The following NUP98 variants were observed in gnomAD, a reference collection of about 807,000 sequenced individuals.
NUP98 encodes nuclear pore complex protein Nup98-Nup96.
In NUP98, 26 loss-of-function variants were observed where a neutral mutation model predicts 191.9. That is an observed-to-expected ratio of 0.14 (90% CI 0.10 to 0.19). The LOEUF (loss-of-function observed/expected upper bound fraction) is 0.19. NUP98 is among the 10% of genes least tolerant of loss of function. The probability of loss-of-function intolerance (pLI) is 1.00; values close to 1 mark genes in which losing one functional copy is unlikely to be tolerated. For missense variants in NUP98, 1,941 were observed against 2,178.8 expected (o/e 0.89, Z 2.17); for synonymous variants, 808 against 778.4 (o/e 1.04, Z -0.63).
At chr11:3,786,090 A>G (rs1011757213) in intron 1 of NUP98, among the ~76,000 whole-genome samples, 7 of 152,174 alleles carry the variant, frequency 4.6e-5, no homozygotes, top group African/African-American at 1.7e-4. Flanking sequence ...TTTTATCTCT[A>G]TTTTACAAGG....
intron 14 of NUP98, among the ~76,000 whole-genome samples, chr11:3,727,869 A>C (rs2079682160): frequency 2.6e-5 from 4 of 152,062 alleles, no homozygotes; most frequent in Admixed American, 2.6e-4. Context: ...ACAAAATAAA[A>C]AAAATTAGCC....
chr11:3,728,216 G>A (rs2079697523), intron 14 of NUP98, among the ~76,000 whole-genome samples: 1 of 152,116 alleles, frequency 6.6e-6, no homozygotes, highest in South Asian at 2.1e-4. Context: ...AGTTTAGAGT[G>A]GAGTAAGCAA....
chr11:3,763,682 G>A (rs542754908), intron 8 of NUP98, among the ~76,000 whole-genome samples: 67 of 152,104 alleles, frequency 4.4e-4, no homozygotes, highest in Non-Finnish European at 8.4e-4. Flanking sequence ...CCAAGTAGCT[G>A]GGACTACAAG....
At chr11:3,763,262 T>C (rs1020125526) in intron 8 of NUP98, among the ~76,000 whole-genome samples, 4 of 152,160 alleles carry the variant, frequency 2.6e-5, no homozygotes, top group Admixed American at 2.0e-4. Flanking sequence ...CCACAGCTCC[T>C]GAATGGTAGG....
chr11:3,748,865 T>A (rs528154836), intron 11 of NUP98, among the ~76,000 whole-genome samples: 1 of 152,120 alleles, frequency 6.6e-6, no homozygotes, highest in East Asian at 1.9e-4. Context: ...TTTTTATTTC[T>A]TGCAAAATTT....
intron 22 of NUP98, among the ~76,000 whole-genome samples, chr11:3,703,163 G>A (rs2078762075): frequency 6.6e-6 from 1 of 151,544 alleles, no homozygotes. Context: ...AAAATATGCA[G>A]CAGGCTCTGT....
chr11:3,711,059 A>T (rs1024840357), intron 20 of NUP98, among the ~76,000 whole-genome samples: 8 of 152,042 alleles, frequency 5.3e-5, no homozygotes, highest in Admixed American at 5.2e-4. Flanking sequence ...AGTTGAGGCC[A>T]ACATGGCAAA....
At chr11:3,761,377 A>G (rs1006915404) in intron 9 of NUP98, among the ~76,000 whole-genome samples, 2 of 152,234 alleles carry the variant, frequency 1.3e-5, no homozygotes, top group Non-Finnish European at 2.9e-5. Context: ...CTGTAATCCC[A>G]GCATTCTGAA....
Position 3,702,633 on chromosome 11 carries a change from G to C in NUP98, c.3342C>G (p.Leu1114=), listed in dbSNP as rs772262829. The change falls in exon 23 of 33, where the codon CTC becomes CTG. Residue 1114 remains leucine (L), a synonymous_variant. Transcript: ENST00000324932. ...CCATGAATAGGGCCATGTCCATCAA[G>C]AGTTTTCCCTTGCCATAGGTGACAG... ...EKSVTYGKGK[L]LMDMALFMGR... 4 of 1,614,130 alleles carry C rather than the reference G, an allele frequency of 2.5e-6. No homozygotes were observed. The South Asian group carries it at 3.3e-5, about 13-fold the overall frequency.
rs201980338 is a variant in NUP98 at position 3,763,072 on chromosome 11, C to G, written c.949-33G>C. 28 of 1,588,710 alleles carry G rather than the reference C, an allele frequency of 1.8e-5. No homozygotes were observed. The Admixed American group carries it at 3.3e-4, about 19-fold the overall frequency. The stretch of plus-strand genomic sequence containing the variant: ...GAAGTTTATATAGATTAAAAGATAT[C>G]CTGTAATAGTTTCCGTAACGAATCT... On this transcript the variant is annotated intron_variant, in intron 8 of 32. Coordinates refer to ENST00000324932, the MANE Select transcript of NUP98 (RefSeq NM_016320.5).
chr11:3,769,905 A>G (rs2081468813), intron 7 of NUP98, among the ~76,000 whole-genome samples: 1 of 152,004 alleles, frequency 6.6e-6, no homozygotes, highest in Non-Finnish European at 1.5e-5. Flanking sequence ...TCAGCCAGGC[A>G]TGGTGGTGGG....
intron 30 of NUP98, among the ~76,000 whole-genome samples, chr11:3,681,504 GAGT>G (rs2077983180): frequency 6.6e-6 from 1 of 152,228 alleles, no homozygotes; most frequent in Admixed American, 6.5e-5. Flanking sequence ...ATGGGTTGCA[GAGT>G]AGATGTGTTA....
intron 4 of NUP98, among the ~76,000 whole-genome samples, chr11:3,778,595 T>G (rs551525738): frequency 8.5e-5 from 13 of 152,318 alleles, no homozygotes; most frequent in African/African-American, 3.1e-4. Context: ...TGACCTGGCT[T>G]TTCATCCTTT....
chr11:3,715,315 T>G (rs1021440467), intron 18 of NUP98, among the ~76,000 whole-genome samples: 1 of 152,102 alleles, frequency 6.6e-6, no homozygotes, highest in African/African-American at 2.4e-5. Flanking sequence ...CCCAGCTAAT[T>G]TTTGTACTTT....
chr11:3,705,670 T>TG (rs1440550612), intron 21 of NUP98, among the ~76,000 whole-genome samples: 23 of 152,120 alleles, frequency 1.5e-4, no homozygotes, highest in African/African-American at 4.6e-4. Flanking sequence ...CAAAAGGCAC[T>TG]GGGATAAAGG....
At position 3,732,962 on chromosome 11, in the gene NUP98, T is replaced by C. The variant is rs76541026; in HGVS notation, c.1543-1384A>G. On this transcript the variant is annotated intron_variant, in intron 13 of 32. Transcript: ENST00000324932. Reference sequence around the variant, plus strand: ...CATATCCATACAAAAAAGTTAAATGTTCCTCTTCTGAAAACAAAGCCTTAT... The same window carrying C: ...CATATCCATACAAAAAAGTTAAATGCTCCTCTTCTGAAAACAAAGCCTTAT... Among the ~76,000 whole-genome samples the C allele has an allele frequency of 2.2e-3, 334 of 152,352 alleles. 2 individuals carry two copies. The highest frequency in any genetic ancestry group is 7.5e-3 in the African/African-American group (314 of 41,594).
rs760220682 is a variant in NUP98, at chr11:3,702,879, T to C, written c.3096A>G (p.Leu1032=). ...SKTRSLVGGL[L]QSKFTSGAFL... is the part of the protein sequence containing the mutation. Reference sequence around the variant, plus strand: ...AAGCTCCACTTGTAAATTTTGATTGTAGTAACCCACCAACTGAAATGAAGC... The same window carrying C: ...AAGCTCCACTTGTAAATTTTGATTGCAGTAACCCACCAACTGAAATGAAGC... Residue 1032 remains leucine, a synonymous_variant, in exon 23 of 33, where the codon CTA becomes CTG. Coordinates refer to ENST00000324932, the MANE Select transcript of NUP98 (RefSeq NM_016320.5). The C allele has an allele frequency of 1.9e-5, 31 of 1,607,342 alleles. No homozygotes were observed. The highest frequency in any genetic ancestry group is 2.3e-5 in the Non-Finnish European group (27 of 1,175,396).
In NUP98 at chr11:3,744,518, C is replaced by T. The variant is rs769732025; in HGVS notation, c.1399G>A (p.Ala467Thr). Residue 467 changes from alanine to threonine, a missense_variant, in exon 12 of 33, where the codon GCC becomes ACC. By Grantham distance (58) the Ala-to-Thr change is moderately conservative. Coordinates refer to ENST00000324932, the MANE Select transcript of NUP98 (RefSeq NM_016320.5). ...AGTGACTGACACTTACCTACTGGGG[C>T]CTGGGGGGCTCCAAAGCCCAAAGTG... Reference protein sequence around the residue: ...TATLGFGAPQAPVALTDPNAS... With the variant: ...TATLGFGAPQTPVALTDPNAS... The T allele has an allele frequency of 1.9e-6, 3 of 1,611,876 alleles. No individual in the cohort carries two copies. Among genetic ancestry groups the T allele is most frequent in the South Asian group, 2.2e-5 (2 of 90,750 alleles).
intron 1 of NUP98, among the ~76,000 whole-genome samples, chr11:3,785,176 G>A (rs2082101371): frequency 6.6e-6 from 1 of 151,460 alleles, no homozygotes; most frequent in African/African-American, 2.4e-5. Flanking sequence ...ATACAGTTAT[G>A]GCAAAAACAA....
Sources: allele counts gnomAD v4.1 joint callset (sites outside exome capture counted in the v4.1 genomes callset), GRCh38; gene constraint gnomAD v4.1.1; transcripts MANE v1.5; gene names NCBI Gene and HGNC (gene_info 2026-07-23, HGNC 2026-07-21).